BPNT2: variants seen among roughly 807,000 people sequenced by gnomAD.
BPNT2 encodes 3'(2'), 5'-bisphosphate nucleotidase 2.
Under a neutral mutation model 29.3 loss-of-function variants are expected in BPNT2, and 11 were observed. The observed-to-expected ratio is 0.38, with a 90% confidence interval of 0.24 to 0.62. The LOEUF (loss-of-function observed/expected upper bound fraction) is 0.62. Among genes scored for constraint, BPNT2 ranks in the 20% least tolerant of loss-of-function variants. The pLI is 0.62. For missense variants in BPNT2, 459 were observed against 473.4 expected (o/e 0.97, Z 0.28); for synonymous variants, 195 against 187.7 (o/e 1.04, Z -0.32).
In BPNT2 at chr8:56,963,912, C is replaced by T. The variant is rs1390174328; in HGVS notation, c.961G>A (p.Glu321Lys). The T allele has an allele frequency of 1.2e-6, 2 of 1,614,030 alleles. No individual in the cohort carries two copies. The highest frequency in any genetic ancestry group is 1.3e-5 in the African/African-American group (1 of 74,924). The change falls in exon 5 of 5, where the codon GAA (glutamate) becomes AAA (lysine). Residue 321 changes from glutamate to lysine, a missense_variant. Glu to Lys is a moderately conservative substitution (Grantham distance 56, BLOSUM62 1). Coordinates refer to ENST00000262644, the MANE Select transcript of BPNT2 (RefSeq NM_017813.5). The part of the protein sequence containing the change: ...LGGHMTTLSG[E>K]EISYTGSDGI... ...TCTGAACCAGTGTAACTGATTTCTT[C>T]ACCACTCAGGGTAGTCATATGCCCC...
rs899622909 is a variant in BPNT2, at chr8:56,964,253, A to G, written c.809-189T>C. ...TTTAAAGTAACTGTATAAACATTAAACTCAGAACAAAAATACATTGCAAAG... is the reference window on the plus strand; with the variant it reads ...TTTAAAGTAACTGTATAAACATTAAGCTCAGAACAAAAATACATTGCAAAG... On this transcript the variant is annotated intron_variant, in intron 4 of 4. Coordinates refer to ENST00000262644, the MANE Select transcript of BPNT2 (RefSeq NM_017813.5). The G allele has an allele frequency of 2.3e-5, 12 of 516,888 alleles. No individual in the cohort carries two copies. In the Admixed American group the frequency reaches 3.9e-4, roughly 17 times the overall value. 32.0% of individuals were successfully genotyped at this position (516,888 alleles called of 1,614,324 possible). A position where few individuals can be genotyped will look rare whatever the true frequency, so the allele number is the denominator to read the frequency against.
In BPNT2 at chr8:56,983,876, G is replaced by A. The variant is rs7827111; in HGVS notation, c.388-3679C>T. Among the ~76,000 whole-genome samples, 1,209 of 152,170 alleles carry A rather than the reference G, an allele frequency of 7.9e-3. 10 individuals are homozygous for A. The highest frequency in any genetic ancestry group is 0.026 in the African/African-American group (1,091 of 41,504). ...AGAGGGGAAAAAAAATACCATCATG[G>A]TGTGGTGACTTACCTTACCAGATAT... On this transcript the variant is annotated intron_variant, in intron 1 of 4. Transcript: ENST00000262644.
At chr8:56,965,412 T>G (rs754302650) in intron 4 of BPNT2, among the ~76,000 whole-genome samples, 1 of 152,252 alleles carries the variant, frequency 6.6e-6, no homozygotes, top group Non-Finnish European at 1.5e-5. Context: ...ATTTGTTTTC[T>G]GACCATAATT....
chr8:56,975,209 A>C (rs1806112534), intron 3 of BPNT2, among the ~76,000 whole-genome samples: 2 of 152,276 alleles, frequency 1.3e-5, no homozygotes, highest in South Asian at 2.1e-4. Flanking sequence ...GCAAACAAAA[A>C]GCTACCTTCT....
intron 2 of BPNT2, among the ~76,000 whole-genome samples, chr8:56,979,423 G>A (rs1416336703): frequency 1.3e-5 from 2 of 152,064 alleles, no homozygotes; most frequent in African/African-American, 4.8e-5. Flanking sequence ...GAAAAGTTCT[G>A]TGCTGTAATT....
rs549261503 is a variant in BPNT2, at chr8:56,962,073, T to C, written c.*1720A>G. The C allele has an allele frequency of 6.6e-6, 1 of 152,234 alleles. No individual in the cohort carries two copies. The highest frequency in any genetic ancestry group is 6.5e-5 in the Admixed American group (1 of 15,288). 9.4% of individuals were successfully genotyped at this position (152,234 alleles called of 1,614,324 possible). On this transcript the variant is annotated 3_prime_UTR_variant, in exon 5 of 5. Coordinates refer to ENST00000262644, the MANE Select transcript of BPNT2 (RefSeq NM_017813.5). ...TTCAGCTTATTGCAAAGGAAAAAAA[T>C]GAGGTCTCTGATACTCTTTTCAAAA... is the stretch of plus-strand genomic sequence containing the variant.
intron 1 of BPNT2, among the ~76,000 whole-genome samples, chr8:56,991,234 T>G (rs1806411623): frequency 6.6e-6 from 1 of 152,204 alleles, no homozygotes; most frequent in African/African-American, 2.4e-5. Flanking sequence ...CTTCTATTCC[T>G]TCAGTCATGA....
chr8:56,981,632 T>A (rs1383517332), intron 1 of BPNT2, among the ~76,000 whole-genome samples: 1 of 152,154 alleles, frequency 6.6e-6, no homozygotes, highest in African/African-American at 2.4e-5. Flanking sequence ...TAAACTGGCA[T>A]ATACCAATTG....
At chr8:56,988,973 T>C (rs1240929776) in intron 1 of BPNT2, among the ~76,000 whole-genome samples, 1 of 152,158 alleles carries the variant, frequency 6.6e-6, no homozygotes, top group Non-Finnish European at 1.5e-5. Flanking sequence ...AGCTCTCACC[T>C]GAAAAAGGGC....
rs749806114 is a variant in BPNT2, at chr8:56,993,422, G to A, written c.164C>T (p.Ala55Val). 3.3e-6 allele frequency: 5 copies of A among 1,512,008 alleles called. No homozygotes were observed. Among genetic ancestry groups the A allele is most frequent in the Non-Finnish European group, 4.4e-6 (5 of 1,138,796 alleles). The allele number at this position is 1,512,008 out of a possible 1,614,324, so 93.7% of individuals were successfully genotyped here. A position where few individuals can be genotyped will look rare whatever the true frequency, so the allele number is the denominator to read the frequency against. The change falls in exon 1 of 5, where the codon GCG becomes GTG. Residue 55 changes from alanine to valine, a missense_variant. Physicochemically the swap from Ala to Val is moderately conservative, Grantham distance 64 (BLOSUM62 0). Transcript: ENST00000262644. The part of the protein sequence containing the change: ...PGGGAAGPAA[A>V]ADGGTVDLRE... ...CAAGTCCACGGTGCCCCCATCGGCC[G>A]CGGCCGCGGGCCCCGCCGCGCCGCC... is the stretch of plus-strand genomic sequence containing the variant.
rs756084314 is a variant in BPNT2 at position 56,993,636 on chromosome 8, CCCGCCG to C, written c.-57_-52del. ...CTGCGGCTCTCACAGGCCTCCAGCG[CCCGCCG>C]CCGCCGCCGCCGCAGCCGCCGCGCT... On this transcript the variant is annotated 5_prime_UTR_variant, in exon 1 of 5. Coordinates refer to ENST00000262644, the MANE Select transcript of BPNT2 (RefSeq NM_017813.5). 1.5e-5 allele frequency: 19 copies of C among 1,230,038 alleles called. No individual in the cohort carries two copies. The highest frequency in any genetic ancestry group is 1.3e-4 in the African/African-American group (8 of 62,834). 76.2% of individuals were successfully genotyped at this position (1,230,038 alleles called of 1,614,324 possible). A position where few individuals can be genotyped will look rare whatever the true frequency, so the allele number is the denominator to read the frequency against.
At chr8:56,967,727 T>G (rs1805974541) in intron 3 of BPNT2, among the ~76,000 whole-genome samples, 1 of 152,126 alleles carries the variant, frequency 6.6e-6, no homozygotes, top group Non-Finnish European at 1.5e-5. Flanking sequence ...ATGTAAGACA[T>G]CTTTTGGGAT....
chr8:56,985,259 G>A (rs868448251), intron 1 of BPNT2, among the ~76,000 whole-genome samples: 2 of 152,014 alleles, frequency 1.3e-5, no homozygotes, highest in African/African-American at 4.8e-5. Context: ...ACCAAAGTAG[G>A]TACTCAATAA....
At chr8:56,980,296 ATAAG>A (rs1169587731) in intron 1 of BPNT2, 99 bp from the exon 2 acceptor site, 14 of 913,638 alleles carry the variant, frequency 1.5e-5, no homozygotes, top group Non-Finnish European at 2.5e-5. Flanking sequence ...CAAATTATAA[ATAAG>A]TAAATCCCTA....
Position 56,993,633 on chromosome 8 carries a change from G to A in BPNT2, c.-48C>T. 1.6e-6 allele frequency: 2 copies of A among 1,254,492 alleles called. No homozygotes were observed. Among genetic ancestry groups the A allele is most frequent in the Non-Finnish European group, 2.0e-6 (2 of 1,000,602 alleles). 77.7% of individuals were successfully genotyped at this position (1,254,492 alleles called of 1,614,324 possible). On this transcript the variant is annotated 5_prime_UTR_variant, in exon 1 of 5. Coordinates refer to ENST00000262644, the MANE Select transcript of BPNT2 (RefSeq NM_017813.5). ...GGGCTGCGGCTCTCACAGGCCTCCA[G>A]CGCCCGCCGCCGCCGCCGCCGCAGC...
chr8:56,967,388 A>G (rs1398890305), intron 3 of BPNT2, among the ~76,000 whole-genome samples: 4 of 152,214 alleles, frequency 2.6e-5, no homozygotes, highest in African/African-American at 4.8e-5. Flanking sequence ...AGTAGGAGAC[A>G]GAAGAGAGCT....
intron 3 of BPNT2, among the ~76,000 whole-genome samples, chr8:56,976,768 AT>A (rs1269642065): frequency 1.3e-5 from 2 of 152,184 alleles, no homozygotes; most frequent in Non-Finnish European, 2.9e-5. Context: ...TTTTTATGCA[AT>A]TATCAGTCAC....
chr8:56,983,206 T>C (rs940347443), intron 1 of BPNT2, among the ~76,000 whole-genome samples: 6 of 152,112 alleles, frequency 3.9e-5, no homozygotes, highest in Admixed American at 2.0e-4. Flanking sequence ...ATACTTGAAA[T>C]AGACAAATTG....
chr8:56,988,674 T>G (rs1000866606), intron 1 of BPNT2, among the ~76,000 whole-genome samples: 31 of 152,310 alleles, frequency 2.0e-4, no homozygotes, highest in African/African-American at 7.0e-4. Flanking sequence ...CACCGATGAC[T>G]CGCAGATTTG....
Sources: allele counts gnomAD v4.1 joint callset (sites outside exome capture counted in the v4.1 genomes callset), GRCh38; gene constraint gnomAD v4.1.1; transcripts MANE v1.5; gene names NCBI Gene and HGNC (gene_info 2026-07-23, HGNC 2026-07-21).